Variants in MCTP1 observed in about 807,000 individuals in gnomAD.
MCTP1 encodes the protein multiple C2 and transmembrane domain containing 1.
MCTP1 carries 69 observed loss-of-function variants against 120.6 expected under a neutral mutation model. The observed-to-expected ratio is 0.57, with a 90% CI of 0.47 to 0.70. MCTP1 has a LOEUF of 0.70. MCTP1 is among the 30% of genes least tolerant of loss of function. MCTP1 has a pLI of 0.00. For synonymous variants in MCTP1, 529 were observed against 493.1 expected (o/e 1.07, Z -0.96); for missense variants, 1,203 against 1,248.8 (o/e 0.96, Z 0.55).
At chr5:94,941,211 G>A (rs12519116) in intron 4 of MCTP1, among the ~76,000 whole-genome samples, 27,208 of 151,956 alleles carry the variant, frequency 0.18, 3,095 homozygotes, top group South Asian at 0.29. Flanking sequence ...GTACCTGTGA[G>A]GTTTACAGAA....
intron 12 of MCTP1, among the ~76,000 whole-genome samples, chr5:94,885,934 A>T (rs1801239179): frequency 6.6e-6 from 1 of 152,160 alleles, no homozygotes. Context: ...ATGCATGTGT[A>T]TGTGTGGGAG....
At chr5:94,962,415 G>A (rs1581595873) in intron 2 of MCTP1, among the ~76,000 whole-genome samples, 2 of 150,472 alleles carry the variant, frequency 1.3e-5, no homozygotes, top group South Asian at 4.2e-4. Context: ...CAATCAACAA[G>A]TGGATAAAGA....
chr5:95,088,394 G>A (rs1359188927), intron 1 of MCTP1, among the ~76,000 whole-genome samples: 1 of 152,212 alleles, frequency 6.6e-6, no homozygotes, highest in Non-Finnish European at 1.5e-5. Flanking sequence ...AAGGAAAAGG[G>A]CAGAGAACTC....
At chr5:94,728,197 AATTT>A (rs1188375170) in intron 19 of MCTP1, among the ~76,000 whole-genome samples, 2 of 152,038 alleles carry the variant, frequency 1.3e-5, no homozygotes. Flanking sequence ...GATGCCTTTC[AATTT>A]ATTTGAGGGA....
chr5:95,218,506 T>C (rs1025317325), intron 1 of MCTP1, among the ~76,000 whole-genome samples: 2 of 152,198 alleles, frequency 1.3e-5, no homozygotes, highest in African/African-American at 4.8e-5. Context: ...ACAAAGTGTT[T>C]CCCCTTTTAA....
intron 1 of MCTP1, among the ~76,000 whole-genome samples, chr5:95,085,108 C>G (rs1344144327): frequency 6.6e-6 from 1 of 151,980 alleles, no homozygotes; most frequent in Non-Finnish European, 1.5e-5. Context: ...AAAATTATGC[C>G]AAATTTGATT....
rs755266242 is a variant in MCTP1, at chr5:94,912,958, G to A, written c.1369C>T (p.Arg457Cys). 2.0e-5 allele frequency: 32 copies of A among 1,590,528 alleles called. No individual in the cohort carries two copies. The highest frequency in any genetic ancestry group is 1.6e-4 in the Admixed American group (9 of 56,016). ...GATTTTCTGTGTAGGTCTGATAGGC[G>A]TAAACTTTGGGTCTGAAACTTTTGG... is the stretch of plus-strand genomic sequence containing the variant. ...KNVQFQTQSL[R>C]LSDLHRKSHL... Residue 457 changes from arginine to cysteine, a missense_variant, in exon 9 of 23, where the codon CGC becomes TGC. Physicochemically the swap from Arg to Cys is radical, Grantham distance 180 (BLOSUM62 -3). This residue lies in a region of MCTP1 where 740 missense variants were observed against 871.1 expected (regional missense o/e 0.85). Transcript: ENST00000515393.
chr5:95,176,155 T>A (rs1317143225), intron 1 of MCTP1, among the ~76,000 whole-genome samples: 1 of 152,186 alleles, frequency 6.6e-6, no homozygotes, highest in African/African-American at 2.4e-5. Context: ...TTATTCTAAT[T>A]GATAAAATGT....
At chr5:94,914,319 T>G (rs1402670285) in intron 8 of MCTP1, among the ~76,000 whole-genome samples, 1 of 152,238 alleles carries the variant, frequency 6.6e-6, no homozygotes, top group Non-Finnish European at 1.5e-5. Context: ...CGTTCTACGT[T>G]AATGTTACAA....
intron 17 of MCTP1, among the ~76,000 whole-genome samples, chr5:94,809,892 C>T (rs1783074474): frequency 1.3e-5 from 2 of 152,232 alleles, no homozygotes; most frequent in South Asian, 2.1e-4. Flanking sequence ...TCTGGAAAGA[C>T]CCACGACTAT....
intron 1 of MCTP1, among the ~76,000 whole-genome samples, chr5:95,189,449 C>T (rs1749591818): frequency 6.6e-6 from 1 of 152,074 alleles, no homozygotes; most frequent in Admixed American, 6.6e-5. Flanking sequence ...CAAATTATAC[C>T]TCAACAACTC....
chr5:94,900,998 C>T (rs1805378987), intron 10 of MCTP1, among the ~76,000 whole-genome samples: 1 of 152,170 alleles, frequency 6.6e-6, no homozygotes, highest in African/African-American at 2.4e-5. Context: ...TCAAATTCAA[C>T]TCATCAATTA....
intron 2 of MCTP1, among the ~76,000 whole-genome samples, chr5:94,984,352 T>C (rs1474455443): frequency 6.6e-6 from 1 of 152,146 alleles, no homozygotes; most frequent in African/African-American, 2.4e-5. Context: ...CAAAGGAGTA[T>C]TTAAGGTAAA....
intron 12 of MCTP1, among the ~76,000 whole-genome samples, chr5:94,881,044 G>T (rs991282217): frequency 5.3e-5 from 8 of 152,092 alleles, no homozygotes; most frequent in Non-Finnish European, 1.2e-4. Flanking sequence ...GATCTATAGA[G>T]GATATTAAGC....
intron 17 of MCTP1, among the ~76,000 whole-genome samples, chr5:94,862,747 A>G (rs951258719): frequency 6.6e-6 from 1 of 151,682 alleles, no homozygotes; most frequent in Non-Finnish European, 1.5e-5. Context: ...CCTAATTTAC[A>G]ATTTTTCATG....
chr5:94,729,287 T>C (rs759452355), intron 19 of MCTP1, among the ~76,000 whole-genome samples: 3 of 152,176 alleles, frequency 2.0e-5, no homozygotes, highest in Admixed American at 6.5e-5. Context: ...GGGACGTTAC[T>C]GAAGCCCAGA....
chr5:95,259,380 TG>T (rs1435312471), intron 1 of MCTP1, among the ~76,000 whole-genome samples: 3 of 152,154 alleles, frequency 2.0e-5, no homozygotes, highest in African/African-American at 7.2e-5. Context: ...CCAATATGCC[TG>T]GAACAGTATA....
chr5:94,794,496 A>T (rs1406304504), intron 18 of MCTP1, among the ~76,000 whole-genome samples: 1 of 152,212 alleles, frequency 6.6e-6, no homozygotes, highest in African/African-American at 2.4e-5. Flanking sequence ...AAGGCCCTGG[A>T]CACTAAGAAA....
chr5:95,222,438 G>A (rs1444729973), intron 1 of MCTP1, among the ~76,000 whole-genome samples: 1 of 152,218 alleles, frequency 6.6e-6, no homozygotes, highest in Non-Finnish European at 1.5e-5. Context: ...AATAGTCAAA[G>A]CTTGCTAATT....
Sources: allele counts gnomAD v4.1 joint callset (sites outside exome capture counted in the v4.1 genomes callset), GRCh38; gene constraint gnomAD v4.1.1; regional missense constraint gnomAD v4.1.1; transcripts MANE v1.5; gene names NCBI Gene and HGNC (gene_info 2026-07-23, HGNC 2026-07-21).